The following SPEN variants were observed in gnomAD, a reference collection of about 807,000 sequenced individuals.
SPEN encodes the protein msx2-interacting protein.
A neutral mutation model predicts 269.9 loss-of-function variants in SPEN; 18 were observed. The ratio of observed to expected loss-of-function variants is 0.07; its 90% CI spans 0.05 to 0.10. SPEN has a LOEUF of 0.10. Ranked by LOEUF, SPEN falls within the 10% of genes least tolerant of loss-of-function variation. The pLI is 1.00. For synonymous variants in SPEN, 1,726 were observed against 1,765.7 expected (o/e 0.98, Z 0.56); for missense variants, 3,822 against 4,631.2 (o/e 0.83, Z 5.07).
rs752348745 is a variant in SPEN, at chr1:15,937,340, C to T, written c.10204C>T (p.Pro3402Ser). Residue 3402 changes from proline (P) to serine (S), a missense_variant, in exon 12 of 15, where the codon CCT (proline) becomes TCT (serine). Coordinates refer to ENST00000375759, the MANE Select transcript of SPEN (RefSeq NM_015001.3). This position sits in a 1 kb window ranked among gnomAD's most constrained non-coding sequence, Gnocchi z 5.7. ...AKGTQTGVEQPRLPAGPANRP... is the reference protein window; with the variant it reads ...AKGTQTGVEQSRLPAGPANRP... ...GGGGACCCAGACGGGAGTAGAGCAG[C>T]CTCGCCTCCCAGCTGGACCTGCAAA... The T allele has an allele frequency of 1.4e-5, 23 of 1,613,966 alleles. No homozygotes were observed. Among genetic ancestry groups the T allele is most frequent in the Non-Finnish European group, 1.9e-5 (23 of 1,180,000 alleles).
intron 1 of SPEN, among the ~76,000 whole-genome samples, chr1:15,865,665 A>G (rs1460577589): frequency 6.6e-6 from 1 of 151,384 alleles, no homozygotes; most frequent in African/African-American, 2.4e-5. Context: ...ACCTCAGGTG[A>G]TCCACCCATT....
At position 15,884,251 on chromosome 1, in the gene SPEN, G is replaced by A. The variant is rs2070716040; in HGVS notation, c.881+7573G>A. The stretch of plus-strand genomic sequence containing the variant: ...GTCTAATAAGAAGCATTTTTTTTCT[G>A]TAAAGACCAAATCTGCAAATCATGA... On this transcript the variant is annotated intron_variant, in intron 3 of 14. Transcript: ENST00000375759. Among the ~76,000 whole-genome samples the A allele has an allele frequency of 2.6e-5, 4 of 152,146 alleles. No homozygotes were observed. In the South Asian group the frequency reaches 6.2e-4, roughly 24 times the overall value.
At chr1:15,850,188 GGGAGGAGGGGGC>G (rs2070320121) in intron 1 of SPEN, among the ~76,000 whole-genome samples, 1 of 152,144 alleles carries the variant, frequency 6.6e-6, no homozygotes, top group Non-Finnish European at 1.5e-5. Flanking sequence ...AATGCACAGA[GGGAGGAGGGGGC>G]GGAGGATTCG....
Position 15,848,523 on chromosome 1 carries a change from C to G in SPEN, c.83+373C>G, listed in dbSNP as rs2070299837. On this transcript the variant is annotated intron_variant, in intron 1 of 14. Transcript: ENST00000375759. This position sits in a 1 kb window ranked among gnomAD's most constrained non-coding sequence, Gnocchi z 5.1. The stretch of plus-strand genomic sequence containing the variant: ...GCGTCCTTGCGCGCAGTGCCCGGCC[C>G]GGAGCAGCCGGGACCCGAGCCCGCC... Among the ~76,000 whole-genome samples the G allele has an allele frequency of 3.9e-5, 6 of 152,088 alleles. No individual in the cohort carries two copies. In the South Asian group the frequency reaches 1.2e-3, roughly 32 times the overall value.
chr1:15,867,168 GCAATCTCTAATTTA>G (rs2070523177), intron 1 of SPEN, among the ~76,000 whole-genome samples: 1 of 151,920 alleles, frequency 6.6e-6, no homozygotes. Flanking sequence ...TCAGCCCCTG[GCAATCTCTAATTTA>G]CTTTCTGTTT....
intron 1 of SPEN, among the ~76,000 whole-genome samples, chr1:15,859,221 T>C (rs1317606844): frequency 6.6e-6 from 1 of 150,480 alleles, no homozygotes; most frequent in South Asian, 2.1e-4. Context: ...ACAGGTGAGA[T>C]CATAGCTCAC....
At chr1:15,871,267 C>G (rs2070570199) in intron 1 of SPEN, among the ~76,000 whole-genome samples, 1 of 152,178 alleles carries the variant, frequency 6.6e-6, no homozygotes, top group African/African-American at 2.4e-5. Flanking sequence ...CACGCCTGGC[C>G]TCAACAGTGC....
rs1340660322 is a variant in SPEN at position 15,848,112 on chromosome 1, G to A, written c.45G>A (p.Glu15=). The A allele has an allele frequency of 8.7e-6, 13 of 1,498,990 alleles. No individual in the cohort carries two copies. The highest frequency in any genetic ancestry group is 1.1e-5 in the Non-Finnish European group (12 of 1,116,274). 92.9% of individuals were successfully genotyped at this position (1,498,990 alleles called of 1,614,324 possible). A position where few individuals can be genotyped will look rare whatever the true frequency, so the allele number is the denominator to read the frequency against. Residue 15 remains glutamate (E), a synonymous_variant, in exon 1 of 15, where the codon GAG becomes GAA. Coordinates refer to ENST00000375759, the MANE Select transcript of SPEN (RefSeq NM_015001.3). This position sits in a 1 kb window ranked among gnomAD's most constrained non-coding sequence, Gnocchi z 5.1. ...ATCTCTGGGTGGGCAACTTACCCGA[G>A]AACGTGCGGGAAGAGAAGATCATCG... ...TRHLWVGNLP[E]NVREEKIIEH...
Position 15,932,174 on chromosome 1 carries a change from T to C in SPEN, c.5934T>C (p.Pro1978=). ...AKEPAETLKP[P]EGWRSPRSQK... is the part of the protein sequence containing the mutation. ...AACCTGCAGAAACACTCAAGCCACC[T>C]GAGGGATGGCGGTCGCCAAGGTCCC... The change falls in exon 11 of 15, where the codon CCT becomes CCC. Residue 1978 remains proline (P), a synonymous_variant. Transcript: ENST00000375759. The surrounding 1 kb of genome is among the most constrained non-coding windows in gnomAD (Gnocchi z 4.2). 1 of 1,612,346 alleles carries C rather than the reference T, an allele frequency of 6.2e-7. No homozygotes were observed. Among genetic ancestry groups the C allele is most frequent in the Non-Finnish European group, 8.5e-7 (1 of 1,179,434 alleles).
rs781238166 is a variant in SPEN, at chr1:15,930,201, G to T, written c.3961G>T (p.Ala1321Ser). 5.0e-6 allele frequency: 8 copies of T among 1,614,112 alleles called. No homozygotes were observed. The highest frequency in any genetic ancestry group is 2.2e-5 in the East Asian group (1 of 44,886). ...PYDSSRREQM[A>S]DMAKIKLSVL... ...TGATTCTAGCAGGAGAGAACAGATG[G>T]CAGATATGGCCAAAATAAAACTATC... Residue 1321 changes from alanine to serine, a missense_variant, in exon 11 of 15, where the codon GCA becomes TCA. Ala to Ser is a moderately conservative substitution (Grantham distance 99, BLOSUM62 1). Transcript: ENST00000375759. This position sits in a 1 kb window ranked among gnomAD's most constrained non-coding sequence, Gnocchi z 5.3.
intron 3 of SPEN, among the ~76,000 whole-genome samples, chr1:15,898,847 G>A (rs1022577540): frequency 2.0e-5 from 3 of 152,188 alleles, no homozygotes; most frequent in African/African-American, 7.2e-5. Context: ...ACAGGCGTGA[G>A]CCACTGCACC....
rs2071110188 is a variant in SPEN at position 15,920,744 on chromosome 1, A to G, written c.1636-126A>G. The stretch of plus-strand genomic sequence containing the variant: ...AGTGTGCATCACACTTTTTTTTTTA[A>G]TAGAATAAAATATATAAAAATATAT... On this transcript the variant is annotated intron_variant, in intron 8 of 14. Transcript: ENST00000375759. 6 of 381,432 alleles carry G rather than the reference A, an allele frequency of 1.6e-5. No individual in the cohort carries two copies. The East Asian group carries it at 2.0e-4, about 13-fold the overall frequency. The allele number at this position is 381,432 out of a possible 1,614,324, so 23.6% of individuals were successfully genotyped here.
chr1:15,923,547 C>G (rs1438409162), intron 10 of SPEN, among the ~76,000 whole-genome samples: 2 of 152,124 alleles, frequency 1.3e-5, no homozygotes, highest in Non-Finnish European at 2.9e-5. Flanking sequence ...TGCCACAAGC[C>G]CTGTTGAATG....
intron 3 of SPEN, among the ~76,000 whole-genome samples, chr1:15,907,480 GA>G (rs1280593341): frequency 6.7e-6 from 1 of 149,998 alleles, no homozygotes; most frequent in Non-Finnish European, 1.5e-5. Flanking sequence ...TGTCTCAAAA[GA>G]AAAAAAAAGG....
At chr1:15,908,359 C>T (rs771069484) in intron 3 of SPEN, among the ~76,000 whole-genome samples, 4 of 152,110 alleles carry the variant, frequency 2.6e-5, no homozygotes, top group East Asian at 1.9e-4. Flanking sequence ...CCACCACACC[C>T]GGCCCTGTTT....
chr1:15,854,885 A>G (rs1008820298), intron 1 of SPEN, among the ~76,000 whole-genome samples: 17 of 152,294 alleles, frequency 1.1e-4, no homozygotes, highest in African/African-American at 3.1e-4. Flanking sequence ...AAGTATCTCA[A>G]TATTCAGATT....
chr1:15,920,227 G>A (rs971043279), intron 8 of SPEN, among the ~76,000 whole-genome samples: 17 of 152,054 alleles, frequency 1.1e-4, no homozygotes, highest in African/African-American at 3.9e-4. Flanking sequence ...GTGCCACCAC[G>A]CCTGGCTAGT....
At chr1:15,917,079 G>C (rs2071073936) in intron 6 of SPEN, among the ~76,000 whole-genome samples, 1 of 152,188 alleles carries the variant, frequency 6.6e-6, no homozygotes, top group Non-Finnish European at 1.5e-5. Context: ...GGTGAGCCGA[G>C]ATCACGCCAC....
rs752029834 is a variant in SPEN at position 15,929,102 on chromosome 1, G to A, written c.2862G>A (p.Lys954=). Residue 954 remains lysine, a synonymous_variant, in exon 11 of 15, where the codon AAG becomes AAA. Transcript: ENST00000375759. This position sits in a 1 kb window ranked among gnomAD's most constrained non-coding sequence, Gnocchi z 5.8. ...CAAGCCATGTTGAAGTGGTGGAGAA[G>A]GAAGGCAGGCTTAAAGCCAGGAAGC... ...GLSSHVEVVE[K]EGRLKARKHL... is the part of the protein sequence containing the mutation. 10 of 1,614,220 alleles carry A rather than the reference G, an allele frequency of 6.2e-6. No individual in the cohort carries two copies. The highest frequency in any genetic ancestry group is 8.5e-6 in the Non-Finnish European group (10 of 1,180,038).
Sources: allele counts gnomAD v4.1 joint callset (sites outside exome capture counted in the v4.1 genomes callset), GRCh38; gene constraint gnomAD v4.1.1; non-coding constraint Gnocchi (gnomAD v3.1); transcripts MANE v1.5; gene names NCBI Gene and HGNC (gene_info 2026-07-23, HGNC 2026-07-21).